Variants in ANK2 observed in about 807,000 individuals in gnomAD.
The protein encoded by ANK2 is ankyrin 2.
ANK2 carries 83 observed loss-of-function variants against 360.5 expected under a neutral mutation model. The ratio of observed to expected loss-of-function variants is 0.23; its 90% CI spans 0.19 to 0.28. The LOEUF is 0.28. ANK2 is among the 10% of genes least tolerant of loss of function. ANK2 has a pLI of 1.00. For synonymous variants in ANK2, 1,740 were observed against 1,759.5 expected (o/e 0.99, Z 0.28); for missense variants, 4,201 against 4,795.7 (o/e 0.88, Z 3.66).
At chr4:113,139,159 T>C (rs1329936181) in intron 1 of ANK2, among the ~76,000 whole-genome samples, 2 of 152,184 alleles carry the variant, frequency 1.3e-5, no homozygotes, top group Admixed American at 6.5e-5. Context: ...GTGCAACATA[T>C]AGAACCTAGC....
chr4:113,103,494 G>T (rs1465943219), intron 1 of ANK2, among the ~76,000 whole-genome samples: 2 of 152,130 alleles, frequency 1.3e-5, no homozygotes, highest in Non-Finnish European at 2.9e-5. Context: ...AAGAATGTCA[G>T]TGATGTTTTA....
chr4:113,037,609 T>A (rs775069902), intron 2 of ANK2, among the ~76,000 whole-genome samples: 2 of 151,976 alleles, frequency 1.3e-5, no homozygotes, highest in Non-Finnish European at 2.9e-5. Flanking sequence ...TAGGACTTGA[T>A]GAAATTTCTT....
chr4:112,741,838 C>T, the ANK2 span, among the ~76,000 whole-genome samples: 5 of 152,034 alleles, frequency 3.3e-5, no homozygotes, highest in Admixed American at 1.3e-4. Flanking sequence ...AACAAACAAA[C>T]AAACAAGCAC....
the ANK2 span, among the ~76,000 whole-genome samples, chr4:112,721,581 C>CTGAAGACTTAG: frequency 6.7e-6 from 1 of 149,352 alleles, no homozygotes; most frequent in African/African-American, 2.5e-5. Flanking sequence ...GTTGGCTACC[C>CTGAAGACTTAG]TGAAGACTTA....
intron 10 of ANK2, among the ~76,000 whole-genome samples, chr4:113,253,867 A>G (rs1478850355): frequency 1.3e-5 from 2 of 152,064 alleles, no homozygotes; most frequent in African/African-American, 2.4e-5. Flanking sequence ...ACAGCACCCC[A>G]TGTCTCTCTG....
the ANK2 span, among the ~76,000 whole-genome samples, chr4:112,784,375 T>TC: frequency 8.4e-6 from 1 of 118,884 alleles, no homozygotes; most frequent in Non-Finnish European, 1.8e-5. Context: ...TTTTTTTTTT[T>TC]CAGACAGAGT....
At chr4:113,374,888 A>G (rs2096870519) in intron 45 of ANK2, 1 of 1,260,598 alleles carries the variant, frequency 7.9e-7, no homozygotes, top group East Asian at 5.7e-5. Flanking sequence ...ATGGAGAAAC[A>G]TCTGGGGGAT....
intron 1 of ANK2, among the ~76,000 whole-genome samples, chr4:112,851,198 A>G (rs1319400747): frequency 6.6e-6 from 1 of 152,234 alleles, no homozygotes; most frequent in Non-Finnish European, 1.5e-5. Flanking sequence ...CTCAAATTAT[A>G]TAGGCCACTT....
At chr4:112,743,884 G>A in the ANK2 span, among the ~76,000 whole-genome samples, 6 of 147,218 alleles carry the variant, frequency 4.1e-5, no homozygotes, top group Admixed American at 2.8e-4. Flanking sequence ...AGGCTGTACT[G>A]CAGTGGCGGA....
At chr4:113,267,282 T>C (rs2056570870) in intron 14 of ANK2, among the ~76,000 whole-genome samples, 1 of 152,204 alleles carries the variant, frequency 6.6e-6, no homozygotes, top group African/African-American at 2.4e-5. Context: ...ATTTTGGTTT[T>C]TGTTGCCATG....
At chr4:113,351,409 T>C (rs1210951113) in intron 37 of ANK2, among the ~76,000 whole-genome samples, 1 of 152,174 alleles carries the variant, frequency 6.6e-6, no homozygotes, top group Non-Finnish European at 1.5e-5. Context: ...ATGTTTGAGA[T>C]TCTGGATGTT....
chr4:112,755,223 G>A, the ANK2 span, among the ~76,000 whole-genome samples: 5 of 152,124 alleles, frequency 3.3e-5, no homozygotes, highest in African/African-American at 9.7e-5. Flanking sequence ...TTGCTTCCTT[G>A]TGTTGTTTAA....
intron 1 of ANK2, among the ~76,000 whole-genome samples, chr4:112,832,116 A>G (rs1252918049): frequency 6.6e-6 from 1 of 152,224 alleles, no homozygotes; most frequent in African/African-American, 2.4e-5. Context: ...CAGTGCTACA[A>G]TCTCAGGCCA....
chr4:113,141,047 C>A (rs969788787), intron 1 of ANK2, among the ~76,000 whole-genome samples: 2 of 151,982 alleles, frequency 1.3e-5, no homozygotes, highest in African/African-American at 4.8e-5. Flanking sequence ...AGTTGATTTG[C>A]AAAGACTTGT....
At chr4:112,931,785 C>T (rs1388472557) in intron 2 of ANK2, among the ~76,000 whole-genome samples, 1 of 152,102 alleles carries the variant, frequency 6.6e-6, no homozygotes, top group Admixed American at 6.5e-5. Context: ...TGATTTATAA[C>T]CCCAATCCAG....
In ANK2 at chr4:113,347,319, C is replaced by A. The variant is rs147306336; in HGVS notation, c.4372-957C>A. 6.0e-3 allele frequency among the ~76,000 whole-genome samples: 911 copies of A among 152,118 alleles called. 9 individuals are homozygous for A. Among genetic ancestry groups the A allele is most frequent in the African/African-American group, 0.021 (865 of 41,496 alleles). On this transcript the variant is annotated intron_variant, in intron 35 of 45. Transcript: ENST00000357077. ...TAAAATATAGAAATGGGTATATCAACCCAAATGAGCATAATTTCATTGTAT... is the reference window on the plus strand; with the variant it reads ...TAAAATATAGAAATGGGTATATCAAACCAAATGAGCATAATTTCATTGTAT...
intron 1 of ANK2, among the ~76,000 whole-genome samples, chr4:112,841,373 T>A (rs1245936451): frequency 1.3e-5 from 2 of 152,144 alleles, no homozygotes; most frequent in East Asian, 3.9e-4. Context: ...AATAAAAAGT[T>A]GAAAAAATGT....
intron 2 of ANK2, among the ~76,000 whole-genome samples, chr4:112,931,467 C>G (rs1478545313): frequency 3.2e-4 from 36 of 114,092 alleles, no homozygotes; most frequent in Non-Finnish European, 4.5e-4. Context: ...GGGACAGAGT[C>G]TCACTTTCGC....
At chr4:112,812,074 CAAAAAAAA>C in the ANK2 span, among the ~76,000 whole-genome samples, 4 of 79,144 alleles carry the variant, frequency 5.1e-5, no homozygotes, top group Admixed American at 1.7e-4. Context: ...GACTCCGTCT[CAAAAAAAA>C]AAAAAAAAAA....
Sources: gnomAD v4.1 joint callset for allele counts (sites outside exome capture counted in the v4.1 genomes callset) on GRCh38, gnomAD v4.1.1 for gene constraint, MANE v1.5 for transcripts, NCBI Gene and HGNC (gene_info 2026-07-23, HGNC 2026-07-21) for gene names.